Variants in ATP10B observed in about 807,000 individuals in gnomAD.
ATP10B encodes the protein ATPase phospholipid transporting 10B (putative).
In ATP10B, 122 loss-of-function variants were observed where a neutral mutation model predicts 141.2. That is an observed-to-expected ratio of 0.86 (90% CI 0.75 to 1.00). ATP10B has a LOEUF of 1.00. ATP10B is among the 50% of genes least tolerant of loss of function. The probability of loss-of-function intolerance (pLI) is 0.00; values close to 1 mark genes in which losing one functional copy is unlikely to be tolerated. For missense variants in ATP10B, 1,876 were observed against 1,825.3 expected (o/e 1.03, Z -0.51); for synonymous variants, 685 against 692.0 (o/e 0.99, Z 0.16).
chr5:160,779,233 G>A (rs1027280288), intron 2 of ATP10B, among the ~76,000 whole-genome samples: 7 of 152,094 alleles, frequency 4.6e-5, no homozygotes, highest in African/African-American at 1.7e-4. Context: ...GTATATAAAA[G>A]GAAAAGATTT....
chr5:160,725,887 G>A (rs1052342973), intron 2 of ATP10B, among the ~76,000 whole-genome samples: 3 of 152,170 alleles, frequency 2.0e-5, no homozygotes, highest in African/African-American at 4.8e-5. Flanking sequence ...CCGAGGCCCT[G>A]AACCAAAATT....
intron 6 of ATP10B, among the ~76,000 whole-genome samples, chr5:160,673,112 A>G (rs1248791881): frequency 6.6e-6 from 1 of 152,236 alleles, no homozygotes; most frequent in African/African-American, 2.4e-5. Context: ...GTTAAATGTC[A>G]TCCAAATGAC....
intron 2 of ATP10B, among the ~76,000 whole-genome samples, chr5:160,781,806 T>G (rs1369182345): frequency 6.6e-6 from 1 of 152,078 alleles, no homozygotes; most frequent in Non-Finnish European, 1.5e-5. Context: ...AATATAAAAA[T>G]AAATCAAATG....
chr5:160,860,009 G>GTTT, the ATP10B span, among the ~76,000 whole-genome samples: 40 of 151,926 alleles, frequency 2.6e-4, no homozygotes, highest in African/African-American at 9.2e-4. Flanking sequence ...ATGAATAAAT[G>GTTT]TATATTACTC....
At chr5:160,782,347 G>A (rs77430711) in intron 2 of ATP10B, among the ~76,000 whole-genome samples, 2,241 of 151,942 alleles carry the variant, frequency 0.015, 27 homozygotes, top group Non-Finnish European at 0.024. Context: ...AATAACAGCA[G>A]TTTTCTTATT....
At chr5:160,920,262 A>G in the ATP10B span, among the ~76,000 whole-genome samples, 3 of 152,320 alleles carry the variant, frequency 2.0e-5, no homozygotes, top group East Asian at 1.9e-4. Flanking sequence ...TTCTAACTCC[A>G]AAGTCTGATT....
chr5:160,635,465 G>A (rs1759295511), intron 11 of ATP10B, among the ~76,000 whole-genome samples: 1 of 152,144 alleles, frequency 6.6e-6, no homozygotes, highest in Non-Finnish European at 1.5e-5. Flanking sequence ...AACCATGAGA[G>A]GATTCTGTAC....
chr5:160,753,334 T>G (rs1004625689), intron 2 of ATP10B, among the ~76,000 whole-genome samples: 1 of 151,724 alleles, frequency 6.6e-6, no homozygotes. Flanking sequence ...TTTGAATACC[T>G]TTTCTATAAG....
chr5:160,738,282 G>A (rs74856168), intron 2 of ATP10B, among the ~76,000 whole-genome samples: 3,119 of 152,098 alleles, frequency 0.021, 90 homozygotes, highest in African/African-American at 0.07. Context: ...ATGAGTGTTT[G>A]AGAAATAATT....
Position 160,628,333 on chromosome 5 carries a change from G to T in ATP10B, c.1620+3796C>A, listed in dbSNP as rs569434089. On this transcript the variant is annotated intron_variant, in intron 13 of 25. Transcript: ENST00000327245. ...GACACTGGGGAACAAGGGGAGTACAGATAGGCTTCACTGCTTCCTGCCCTG... is the reference window on the plus strand; with the variant it reads ...GACACTGGGGAACAAGGGGAGTACATATAGGCTTCACTGCTTCCTGCCCTG... 7.2e-4 allele frequency among the ~76,000 whole-genome samples: 109 copies of T among 152,358 alleles called. 1 individual carries two copies. The highest frequency in any genetic ancestry group is 2.6e-3 in the African/African-American group (107 of 41,574).
intron 1 of ATP10B, among the ~76,000 whole-genome samples, chr5:160,818,224 G>A (rs994753410): frequency 2.6e-5 from 4 of 152,118 alleles, no homozygotes; most frequent in East Asian, 1.9e-4. Flanking sequence ...CCTACAGAAT[G>A]GGAGAAAATT....
intron 2 of ATP10B, among the ~76,000 whole-genome samples, chr5:160,740,441 T>C (rs1026929232): frequency 6.6e-6 from 1 of 152,144 alleles, no homozygotes. Flanking sequence ...ACCACTGAAA[T>C]TGTCAACTCT....
At chr5:160,828,878 TA>T (rs1338922564) in intron 1 of ATP10B, among the ~76,000 whole-genome samples, 2 of 149,392 alleles carry the variant, frequency 1.3e-5, no homozygotes, top group Admixed American at 1.3e-4. Flanking sequence ...TATGCAGCCA[TA>T]AAAAATGATG....
Position 160,634,531 on chromosome 5 carries a change from G to A in ATP10B, c.1204C>T (p.Leu402Phe), listed in dbSNP as rs1165826798. 2 of 1,614,168 alleles carry A rather than the reference G, an allele frequency of 1.2e-6. No homozygotes were observed. Among genetic ancestry groups the A allele is most frequent in the Admixed American group, 3.3e-5 (2 of 60,026 alleles). ...TCGGTCTCTTCATCATACAGGTCAA[G>A]GTCATTGCTCAAGAAGAACACTTGC... ...LGQVFFLSND[L>F]DLYDEETDLS... The change falls in exon 12 of 26, where the codon CTT (leucine) becomes TTT (phenylalanine). Residue 402 changes from leucine to phenylalanine, a missense_variant. By Grantham distance (22) the Leu-to-Phe change is conservative. Coordinates refer to ENST00000327245, the MANE Select transcript of ATP10B (RefSeq NM_025153.3).
chr5:160,583,719 GC>G (rs1755703179), intron 24 of ATP10B, among the ~76,000 whole-genome samples: 1 of 152,172 alleles, frequency 6.6e-6, no homozygotes, highest in South Asian at 2.1e-4. Context: ...TTGCAGAGAT[GC>G]CCCACCCAGA....
intron 22 of ATP10B, among the ~76,000 whole-genome samples, chr5:160,595,780 T>C (rs1325102036): frequency 5.5e-5 from 8 of 145,572 alleles, no homozygotes; most frequent in Non-Finnish European, 1.1e-4. Flanking sequence ...GCAAATACAC[T>C]AGAAAATCTA....
At chr5:160,822,983 CATATACATATAT>C (rs764422906) in intron 1 of ATP10B, among the ~76,000 whole-genome samples, 1,063 of 89,820 alleles carry the variant, frequency 0.012, 31 homozygotes, top group African/African-American at 0.026. Context: ...TAAAAAATTA[CATATACATATAT>C]ATATACATAT....
chr5:160,606,390 C>T (rs151261524), intron 19 of ATP10B, among the ~76,000 whole-genome samples: 6 of 152,288 alleles, frequency 3.9e-5, no homozygotes, highest in Non-Finnish European at 7.4e-5. Flanking sequence ...CCCTAAACAC[C>T]TGAAGTTGTG....
intron 7 of ATP10B, among the ~76,000 whole-genome samples, chr5:160,666,933 C>A (rs1762353883): frequency 6.6e-6 from 1 of 152,206 alleles, no homozygotes; most frequent in Non-Finnish European, 1.5e-5. Context: ...AACTGAGGCT[C>A]TGGGACCGGG....
Sources: allele counts gnomAD v4.1 joint callset (sites outside exome capture counted in the v4.1 genomes callset), GRCh38; gene constraint gnomAD v4.1.1; transcripts MANE v1.5; gene names NCBI Gene and HGNC (gene_info 2026-07-23, HGNC 2026-07-21).